The following HHAT variants were observed in gnomAD, a reference collection of about 807,000 sequenced individuals.
The protein encoded by HHAT is protein-cysteine N-palmitoyltransferase HHAT.
In HHAT, 47 loss-of-function variants were observed where a neutral mutation model predicts 70.8. The ratio of observed to expected loss-of-function variants is 0.66; its 90% CI spans 0.53 to 0.85. The LOEUF (loss-of-function observed/expected upper bound fraction) is 0.85. Among genes scored for constraint, HHAT ranks in the 40% least tolerant of loss-of-function variants. The pLI is 0.00. For missense variants in HHAT, 609 were observed against 604.8 expected, an observed-to-expected ratio of 1.01 and a Z score of -0.07; for synonymous variants, 228 against 247.6, an observed-to-expected ratio of 0.92 and a Z score of 0.74.
chr1:210,507,359 CT>C (rs927392992), intron 8 of HHAT, among the ~76,000 whole-genome samples: 213 of 122,542 alleles, frequency 1.7e-3, no homozygotes, highest in East Asian at 4.5e-3. Flanking sequence ...TTTCTTTTTT[CT>C]TTTTTTTTTT....
At chr1:210,536,149 A>G (rs1311805542) in intron 9 of HHAT, among the ~76,000 whole-genome samples, 1 of 152,348 alleles carries the variant, frequency 6.6e-6, no homozygotes, top group Middle Eastern at 3.4e-3. Flanking sequence ...AGCTTTAGTA[A>G]GTACCTCATC....
In HHAT at chr1:210,675,318, G is replaced by A. The variant is rs1386672639; in HGVS notation, c.*939G>A. On this transcript the variant is annotated 3_prime_UTR_variant, in exon 12 of 12. Coordinates refer to ENST00000261458, the MANE Select transcript of HHAT (RefSeq NM_018194.6). ...TGTCCTGTAGATAATCTACATGTTT[G>A]TAGAATTATTTTGAATATGTTTGAG... The A allele has an allele frequency of 2.0e-5, 3 of 152,158 alleles. No individual in the cohort carries two copies. Among genetic ancestry groups the A allele is most frequent in the African/African-American group, 7.2e-5 (3 of 41,448 alleles). The allele number at this position is 152,158 out of a possible 1,614,324, so 9.4% of individuals were successfully genotyped here.
At chr1:210,617,061 A>G (rs1054857589) in intron 10 of HHAT, among the ~76,000 whole-genome samples, 7 of 152,254 alleles carry the variant, frequency 4.6e-5, no homozygotes, top group African/African-American at 1.7e-4. Context: ...CACAGGTAGA[A>G]GATGGAAATA....
chr1:210,328,382 T>A (rs374405309), upstream of HHAT: 2 of 152,250 alleles, frequency 1.3e-5, no homozygotes, highest in South Asian at 2.1e-4. Flanking sequence ...AGTAGTGATC[T>A]CTGTAAGTTG....
At position 210,496,219 on chromosome 1, in the gene HHAT, G is replaced by T. The variant is rs1366933468; in HGVS notation, c.1008-16934G>T. Among the ~76,000 whole-genome samples, 23 of 152,128 alleles carry T rather than the reference G, an allele frequency of 1.5e-4. No homozygotes were observed. In the South Asian group the frequency reaches 4.1e-3, roughly 27 times the overall value. On this transcript the variant is annotated intron_variant, in intron 8 of 11. Coordinates refer to ENST00000261458, the MANE Select transcript of HHAT (RefSeq NM_018194.6). ...CAGCCAGGGCTGCAGTCATCTGAAGGCCTCGCTGGGCTGATCCTCTTCCAG... is the reference window on the plus strand; with the variant it reads ...CAGCCAGGGCTGCAGTCATCTGAAGTCCTCGCTGGGCTGATCCTCTTCCAG...
intron 9 of HHAT, among the ~76,000 whole-genome samples, chr1:210,575,357 A>G (rs1390701199): frequency 6.6e-6 from 1 of 152,154 alleles, no homozygotes. Flanking sequence ...TATTAAACTG[A>G]GGCTTCAAGG....
At chr1:210,608,883 G>T (rs4607955) in intron 10 of HHAT, among the ~76,000 whole-genome samples, 125,457 of 152,022 alleles carry the variant, frequency 0.83, 53,354 homozygotes, top group East Asian at 0.99. Context: ...CAACATGGCT[G>T]GGGAGGCCTC....
intron 11 of HHAT, among the ~76,000 whole-genome samples, chr1:210,647,854 G>A (rs999677549): frequency 6.6e-6 from 1 of 152,224 alleles, no homozygotes; most frequent in Non-Finnish European, 1.5e-5. Flanking sequence ...TTTTATTGCT[G>A]AGGAGACAGT....
chr1:210,458,448 A>C (rs1185382037), intron 7 of HHAT, among the ~76,000 whole-genome samples: 1 of 152,244 alleles, frequency 6.6e-6, no homozygotes, highest in Non-Finnish European at 1.5e-5. Flanking sequence ...CTATACAGAA[A>C]GCTGAACCAC....
At chr1:210,331,097 A>G (rs1250752650) in intron 1 of HHAT, among the ~76,000 whole-genome samples, 1 of 152,116 alleles carries the variant, frequency 6.6e-6, no homozygotes, top group Non-Finnish European at 1.5e-5. Flanking sequence ...AAGTGCTGGG[A>G]TTACAGGTGT....
chr1:210,647,504 T>C (rs1190886846), intron 11 of HHAT, among the ~76,000 whole-genome samples: 2 of 152,204 alleles, frequency 1.3e-5, no homozygotes, highest in Non-Finnish European at 2.9e-5. Flanking sequence ...AGAAATGTCA[T>C]ATGGCACGTT....
intron 10 of HHAT, among the ~76,000 whole-genome samples, chr1:210,619,344 C>T (rs185862281): frequency 2.6e-5 from 4 of 152,262 alleles, no homozygotes; most frequent in Admixed American, 6.5e-5. Context: ...GGCGGCTACA[C>T]CTTGCCTGTC....
intron 9 of HHAT, among the ~76,000 whole-genome samples, chr1:210,521,246 A>G (rs1366004201): frequency 1.3e-5 from 2 of 152,218 alleles, no homozygotes; most frequent in Admixed American, 6.5e-5. Context: ...ACAGCTGTTC[A>G]CTGCTTGTAG....
chr1:210,490,620 A>G (rs1294261930), intron 8 of HHAT, among the ~76,000 whole-genome samples: 1 of 152,180 alleles, frequency 6.6e-6, no homozygotes, highest in African/African-American at 2.4e-5. Flanking sequence ...TCCTCAGGCA[A>G]ATGAGATTAT....
intron 10 of HHAT, among the ~76,000 whole-genome samples, chr1:210,612,950 C>T (rs1418250974): frequency 6.6e-6 from 1 of 151,998 alleles, no homozygotes; most frequent in African/African-American, 2.4e-5. Context: ...AATTCTTTGT[C>T]CATTTTTAAA....
chr1:210,584,705 C>T (rs1051819849), intron 9 of HHAT, among the ~76,000 whole-genome samples: 3 of 152,208 alleles, frequency 2.0e-5, no homozygotes, highest in Non-Finnish European at 2.9e-5. Context: ...TGAGAGCCTT[C>T]GCCCTTCAGC....
intron 9 of HHAT, among the ~76,000 whole-genome samples, chr1:210,541,659 G>A (rs1489990458): frequency 1.3e-5 from 2 of 152,164 alleles, no homozygotes; most frequent in African/African-American, 4.8e-5. Flanking sequence ...CCCGGGAGGC[G>A]GAGGTTGCAG....
chr1:210,329,044 G>A lies in HHAT; in HGVS notation c.-104G>A. ...GGGACTCGGAAGTGCCGAAAGAGGG[G>A]TGTTGGGAACTCGCGGCGCGCGTGA... On this transcript the variant is annotated 5_prime_UTR_variant, in exon 1 of 12. It adds an upstream start codon to the 5' untranslated region. Coordinates refer to ENST00000261458, the MANE Select transcript of HHAT (RefSeq NM_018194.6). 7.0e-7 allele frequency: 1 copy of A among 1,433,706 alleles called. No individual in the cohort carries two copies. Among genetic ancestry groups the A allele is most frequent in the Admixed American group, 2.8e-5 (1 of 36,340 alleles). The allele number at this position is 1,433,706 out of a possible 1,614,324, so 88.8% of individuals were successfully genotyped here.
chr1:210,394,063 C>T (rs1000360169), intron 4 of HHAT, among the ~76,000 whole-genome samples: 2 of 152,144 alleles, frequency 1.3e-5, no homozygotes, highest in South Asian at 2.1e-4. Flanking sequence ...ATAGGCAACA[C>T]TATGCAGGGA....
Sources: allele counts gnomAD v4.1 joint callset (sites outside exome capture counted in the v4.1 genomes callset), GRCh38; gene constraint gnomAD v4.1.1; transcripts MANE v1.5; gene names NCBI Gene and HGNC (gene_info 2026-07-23, HGNC 2026-07-21).